The following ROBO1 variants were observed in gnomAD, a reference collection of about 807,000 sequenced individuals.
ROBO1 encodes the protein roundabout guidance receptor 1.
Under a neutral mutation model 195.9 loss-of-function variants are expected in ROBO1, and 149 were observed. The observed-to-expected ratio is 0.76, with a 90% confidence interval of 0.67 to 0.87. The LOEUF (loss-of-function observed/expected upper bound fraction) is 0.87. Ranked by LOEUF, ROBO1 falls within the 40% of genes least tolerant of loss-of-function variation. The pLI is 0.00. For synonymous variants in ROBO1, 816 were observed against 733.2 expected (o/e 1.11, Z -1.82); for missense variants, 1,933 against 2,068.3 (o/e 0.93, Z 1.27).
At chr3:78,933,095 C>T (rs2039619363) in intron 4 of ROBO1, among the ~76,000 whole-genome samples, 1 of 152,032 alleles carries the variant, frequency 6.6e-6, no homozygotes, top group Non-Finnish European at 1.5e-5. Flanking sequence ...TTTAACTAAG[C>T]ATAGTTTTAA....
intron 2 of ROBO1, among the ~76,000 whole-genome samples, chr3:79,545,276 C>T (rs1246784882): frequency 6.6e-6 from 1 of 152,136 alleles, no homozygotes; most frequent in Non-Finnish European, 1.5e-5. Context: ...AAATAAAAGT[C>T]ACGTCCTGAA....
intron 4 of ROBO1, among the ~76,000 whole-genome samples, chr3:78,842,289 A>G (rs331135): frequency 0.67 from 21,910 of 32,498 alleles, 6,435 homozygotes; most frequent in East Asian, 0.83. Flanking sequence ...ATATTTATAT[A>G]TATGAGCCAT....
intron 2 of ROBO1, among the ~76,000 whole-genome samples, chr3:79,205,104 C>T (rs546278850): frequency 3.3e-5 from 5 of 151,908 alleles, no homozygotes; most frequent in African/African-American, 4.8e-5. Flanking sequence ...GCTATTTTGG[C>T]GCAGCAGCCT....
In ROBO1 at chr3:79,173,367, G is replaced by C. The variant is rs371751803; in HGVS notation, c.89-47828C>G. 2.0e-5 allele frequency among the ~76,000 whole-genome samples: 3 copies of C among 152,124 alleles called. No individual in the cohort carries two copies. In the South Asian group the frequency reaches 6.2e-4, roughly 32 times the overall value. On this transcript the variant is annotated intron_variant, in intron 2 of 30. Coordinates refer to ENST00000464233, the MANE Select transcript of ROBO1 (RefSeq NM_002941.4). ...AGGCGCGAGTGGGAACCAGGGCTGC[G>C]CGCGGTGCTTGCAGGCCAGCGCGAG...
chr3:79,094,510 T>A (rs1448046850), intron 3 of ROBO1, among the ~76,000 whole-genome samples: 4 of 152,108 alleles, frequency 2.6e-5, no homozygotes, highest in African/African-American at 9.7e-5. Context: ...AAATTAGAAG[T>A]CTATGAATTT....
At chr3:79,567,295 T>C (rs971249089) in intron 2 of ROBO1, among the ~76,000 whole-genome samples, 4 of 152,108 alleles carry the variant, frequency 2.6e-5, no homozygotes, top group Non-Finnish European at 5.9e-5. Context: ...GCACTAGGCT[T>C]AATACCTGGG....
intron 11 of ROBO1, 84 bp downstream of exon 11, chr3:78,670,012 A>C (rs535654943): frequency 1.9e-6 from 2 of 1,058,100 alleles, no homozygotes; most frequent in African/African-American, 1.6e-5. Flanking sequence ...CATTAATTGC[A>C]AAGTTAGAAA....
At chr3:78,960,852 G>T (rs1286490530) in intron 3 of ROBO1, among the ~76,000 whole-genome samples, 1 of 146,516 alleles carries the variant, frequency 6.8e-6, no homozygotes. Context: ...AATGGTACAG[G>T]GTACAGAAAA....
At chr3:78,949,780 T>C (rs1216543922) in intron 3 of ROBO1, among the ~76,000 whole-genome samples, 1 of 151,928 alleles carries the variant, frequency 6.6e-6, no homozygotes, top group African/African-American at 2.4e-5. Context: ...AGGGCTAATA[T>C]CCAGAATCTA....
chr3:79,621,778 A>G (rs1945015878), intron 1 of ROBO1, among the ~76,000 whole-genome samples: 1 of 152,228 alleles, frequency 6.6e-6, no homozygotes, highest in Admixed American at 6.5e-5. Flanking sequence ...AAACATGAAA[A>G]TATAAGGATA....
chr3:78,616,130 C>T (rs1704097046), intron 27 of ROBO1, among the ~76,000 whole-genome samples: 1 of 152,110 alleles, frequency 6.6e-6, no homozygotes, highest in Non-Finnish European at 1.5e-5. Context: ...AGACTCTGAG[C>T]TATAAGGTTG....
chr3:78,973,741 A>G, intron 3 of ROBO1, among the ~76,000 whole-genome samples: 1 of 151,742 alleles, frequency 6.6e-6, no homozygotes, highest in Non-Finnish European at 1.5e-5. Context: ...AAGTAATGTT[A>G]GCTAAAAATT....
intron 2 of ROBO1, among the ~76,000 whole-genome samples, chr3:79,177,038 A>T (rs2081272170): frequency 6.6e-6 from 1 of 152,212 alleles, no homozygotes; most frequent in Admixed American, 6.5e-5. Flanking sequence ...AATTTGGAAA[A>T]GTTTGAATGA....
At chr3:79,193,274 TTGAA>T (rs1351331281) in intron 2 of ROBO1, among the ~76,000 whole-genome samples, 1 of 151,674 alleles carries the variant, frequency 6.6e-6, no homozygotes, top group Non-Finnish European at 1.5e-5. Flanking sequence ...TTGTGAGTCT[TTGAA>T]TGTGTGGATG....
intron 2 of ROBO1, among the ~76,000 whole-genome samples, chr3:79,526,114 A>T (rs563876307): frequency 6.6e-6 from 1 of 152,316 alleles, no homozygotes; most frequent in African/African-American, 2.4e-5. Flanking sequence ...CAGGGTAGCT[A>T]GTCTTATCTT....
intron 3 of ROBO1, among the ~76,000 whole-genome samples, chr3:79,022,690 T>G (rs1180919451): frequency 6.6e-6 from 1 of 152,222 alleles, no homozygotes; most frequent in East Asian, 1.9e-4. Flanking sequence ...GTGTGGTAAC[T>G]TGTACTCAGG....
At chr3:79,716,893 C>T (rs1005996055) in intron 1 of ROBO1, among the ~76,000 whole-genome samples, 3 of 151,956 alleles carry the variant, frequency 2.0e-5, no homozygotes, top group Non-Finnish European at 4.4e-5. Context: ...AAGGCAAACA[C>T]TTTAATTGTA....
At chr3:78,638,465 G>A (rs373567429) in intron 22 of ROBO1, among the ~76,000 whole-genome samples, 2 of 150,312 alleles carry the variant, frequency 1.3e-5, no homozygotes, top group South Asian at 4.3e-4. Flanking sequence ...TATTATTTTT[G>A]CTATTAAAGA....
chr3:79,616,293 T>C (rs1290943008), intron 1 of ROBO1, among the ~76,000 whole-genome samples: 2 of 152,276 alleles, frequency 1.3e-5, no homozygotes, highest in Admixed American at 6.5e-5. Context: ...TGTCTCCACA[T>C]CACTAGGTGC....
Sources: allele counts gnomAD v4.1 joint callset (sites outside exome capture counted in the v4.1 genomes callset), GRCh38; gene constraint gnomAD v4.1.1; transcripts MANE v1.5; gene names NCBI Gene and HGNC (gene_info 2026-07-23, HGNC 2026-07-21).